Variants in UBP1 observed in about 807,000 individuals in gnomAD.
UBP1 encodes the protein upstream binding protein 1, also known as upstream-binding protein 1.
UBP1 carries 22 observed loss-of-function variants against 76.1 expected under a neutral mutation model. The observed-to-expected ratio is 0.29, with a 90% CI of 0.21 to 0.41. The LOEUF is 0.41. Among genes scored for constraint, UBP1 ranks in the 10% least tolerant of loss-of-function variants. The pLI, the probability that UBP1 is intolerant of heterozygous loss-of-function variation, is 1.00. For missense variants in UBP1, 436 were observed against 668.1 expected, an observed-to-expected ratio of 0.65 and a Z score of 3.83; for synonymous variants, 224 against 237.1, an observed-to-expected ratio of 0.94 and a Z score of 0.51.
At chr3:33,411,543 C>A in intron 5 of UBP1, 38 bp downstream of exon 5, 1 of 1,553,520 alleles carries the variant, frequency 6.4e-7, no homozygotes, top group Non-Finnish European at 8.9e-7. Context: ...ACCTAAATAA[C>A]TAGGTTAGTA....
At chr3:33,419,354 G>A (rs1265424067) in intron 2 of UBP1, among the ~76,000 whole-genome samples, 4 of 152,134 alleles carry the variant, frequency 2.6e-5, no homozygotes, top group African/African-American at 9.7e-5. Context: ...ATTAGGCTGG[G>A]CGCAGTGGCT....
chr3:33,412,916 CAGT>C (rs2044628583), intron 3 of UBP1, 89 bp from the exon 4 acceptor site: 2 of 809,104 alleles, frequency 2.5e-6, no homozygotes, highest in Non-Finnish European at 4.3e-6. Flanking sequence ...TAACCTGTAG[CAGT>C]AGAACACATA....
rs772833111 is a variant in UBP1, at chr3:33,397,154, AT to A, written c.1181-20del. 6.5e-7 allele frequency: 1 copy of A among 1,548,670 alleles called. No individual in the cohort carries two copies. ...TCGGCACCTAGAGAAGAGCAAAAAT[AT>A]TTTTCTCAAATAAATGGAAAAAGAA... On this transcript the variant is annotated intron_variant, in intron 11 of 15. Coordinates refer to ENST00000283629, the MANE Select transcript of UBP1 (RefSeq NM_014517.5).
In UBP1 at chr3:33,402,854, G is replaced by A. The variant is rs182819320; in HGVS notation, c.978C>T (p.Ser326=). ...GTGGGGAGGTGAAAGTGGGCGCTGG[G>A]GAAGGGCTGTTATTCACATAGGCTG... The part of the protein sequence containing the change: ...APTAYVNNSP[S]PAPTFTSPQQ... Residue 326 remains serine (S), a synonymous_variant, in exon 9 of 16, where the codon TCC becomes TCT. Transcript: ENST00000283629. 18 of 1,610,292 alleles carry A rather than the reference G, an allele frequency of 1.1e-5. No homozygotes were observed. The East Asian group carries it at 2.5e-4, about 22-fold the overall frequency.
At chr3:33,432,289 A>G (rs1186474916) in intron 1 of UBP1, among the ~76,000 whole-genome samples, 1 of 152,342 alleles carries the variant, frequency 6.6e-6, no homozygotes, top group South Asian at 2.1e-4. Flanking sequence ...GCACCACTGC[A>G]CTTCAGCCTG....
At chr3:33,420,485 T>A (rs1303205223) in intron 2 of UBP1, among the ~76,000 whole-genome samples, 1 of 142,270 alleles carries the variant, frequency 7.0e-6, no homozygotes, top group African/African-American at 2.6e-5. Flanking sequence ...GCCACCATAC[T>A]GGCTTTTTTT....
intron 10 of UBP1, among the ~76,000 whole-genome samples, chr3:33,400,492 C>T (rs2044183070): frequency 6.6e-6 from 1 of 152,158 alleles, no homozygotes; most frequent in Non-Finnish European, 1.5e-5. Flanking sequence ...AGAGAAAAAT[C>T]ATGCCGCTGC....
At chr3:33,399,582 A>G (rs1426551847) in intron 11 of UBP1, among the ~76,000 whole-genome samples, 1 of 152,240 alleles carries the variant, frequency 6.6e-6, no homozygotes, top group Non-Finnish European at 1.5e-5. Flanking sequence ...TTGCATTTAT[A>G]TAACATTCTC....
chr3:33,412,048 G>A (rs1261915385), intron 4 of UBP1, among the ~76,000 whole-genome samples: 4 of 151,968 alleles, frequency 2.6e-5, no homozygotes, highest in African/African-American at 2.4e-5. Context: ...TTAGCCAGAC[G>A]CAGTGGCGCG....
Position 33,413,448 on chromosome 3 carries a change from G to A in UBP1, c.343-621C>T, listed in dbSNP as rs549496544. On this transcript the variant is annotated intron_variant, in intron 3 of 15. Transcript: ENST00000283629. Reference sequence around the variant, plus strand: ...TGTAGTACCAGCTACTTGGGAGGCTGAGGCAGAAGAATGGTGTGAACCCGG... The same window carrying A: ...TGTAGTACCAGCTACTTGGGAGGCTAAGGCAGAAGAATGGTGTGAACCCGG... Among the ~76,000 whole-genome samples, 98 of 151,124 alleles carry A rather than the reference G, an allele frequency of 6.5e-4. 1 individual carries two copies. Among genetic ancestry groups the A allele is most frequent in the African/African-American group, 2.3e-3 (93 of 41,142 alleles).
chr3:33,403,510 ATCTG>A (rs869027625), intron 8 of UBP1: 3 of 21,174 alleles, frequency 1.4e-4, no homozygotes, highest in Non-Finnish European at 6.7e-4. Context: ...CTATCTATCT[ATCTG>A]TCTGTCTGTC....
rs372280867 is a variant in UBP1 at position 33,438,149 on chromosome 3, G to A, written c.113+1587C>T. Among the ~76,000 whole-genome samples, 6 of 152,268 alleles carry A rather than the reference G, an allele frequency of 3.9e-5. No homozygotes were observed. The South Asian group carries it at 6.2e-4, about 16-fold the overall frequency. On this transcript the variant is annotated intron_variant, in intron 1 of 15. Coordinates refer to ENST00000283629, the MANE Select transcript of UBP1 (RefSeq NM_014517.5). ...ATCAAGATTGTACTTCCTTTTCATGGAAATAAACCATACACAGAAGTTATT... is the reference window on the plus strand; with the variant it reads ...ATCAAGATTGTACTTCCTTTTCATGAAAATAAACCATACACAGAAGTTATT...
chr3:33,409,194 A>C, intron 7 of UBP1, 42 bp downstream of exon 7: 1 of 1,585,690 alleles, frequency 6.3e-7, no homozygotes, highest in South Asian at 1.1e-5. Context: ...CTAATATGCA[A>C]CCTTTGCTTC....
intron 1 of UBP1, among the ~76,000 whole-genome samples, chr3:33,427,017 G>C (rs1353245761): frequency 1.3e-5 from 2 of 152,178 alleles, no homozygotes; most frequent in South Asian, 2.1e-4. Context: ...ACCCAGGCTG[G>C]AGTGCAGTGG....
rs772271929 is a variant in UBP1 at position 33,393,473 on chromosome 3, A to G, written c.1391-19T>C. The stretch of plus-strand genomic sequence containing the variant: ...TGATAAACTGAAATTAAAAAAAAAA[A>G]AAGAAAAGCATTTTAACAGTAATCT... On this transcript the variant is annotated intron_variant, in intron 13 of 15. Transcript: ENST00000283629. 5.6e-6 allele frequency: 9 copies of G among 1,594,494 alleles called. No individual in the cohort carries two copies. Among genetic ancestry groups the G allele is most frequent in the South Asian group, 1.2e-5 (1 of 86,522 alleles).
intron 3 of UBP1, among the ~76,000 whole-genome samples, 198 bp downstream of exon 3, chr3:33,416,560 G>C (rs550672802): frequency 2.2e-4 from 33 of 152,224 alleles, no homozygotes; most frequent in Admixed American, 2.0e-4. Flanking sequence ...ATTGCTCCTT[G>C]ATTTCCAAGG....
At position 33,439,974 on chromosome 3, in the gene UBP1, C is replaced by T; in HGVS notation, c.-126G>A. 1 of 990,574 alleles carries T rather than the reference C, an allele frequency of 1.0e-6. No homozygotes were observed. The highest frequency in any genetic ancestry group is 3.1e-5 in the East Asian group (1 of 32,438). 61.4% of individuals were successfully genotyped at this position (990,574 alleles called of 1,614,324 possible). A position where few individuals can be genotyped will look rare whatever the true frequency, so the allele number is the denominator to read the frequency against. Reference sequence around the variant, plus strand: ...CTCCGGAGGGGCGGCGAGTGGTCACCAGCGGCGGCCGGGACGAGAGCTGCG... The same window carrying T: ...CTCCGGAGGGGCGGCGAGTGGTCACTAGCGGCGGCCGGGACGAGAGCTGCG... On this transcript the variant is annotated 5_prime_UTR_variant, in exon 1 of 16. The change creates a premature stop within an existing upstream ORF in the 5' untranslated region. Transcript: ENST00000283629.
chr3:33,398,410 G>C lies in UBP1; in HGVS notation c.1181-1275C>G, dbSNP rs1308777295. ...AGGCTCTCTTTCATCTCTCTACTAG[G>C]GCTTACTACATGCACCTCACAGTTG... On this transcript the variant is annotated intron_variant, in intron 11 of 15. Transcript: ENST00000283629. 3 of 152,266 alleles carry C rather than the reference G, an allele frequency of 2.0e-5. No individual in the cohort carries two copies. The East Asian group carries it at 5.8e-4, about 29-fold the overall frequency. 9.4% of individuals were successfully genotyped at this position (152,266 alleles called of 1,614,324 possible). A position where few individuals can be genotyped will look rare whatever the true frequency, so the allele number is the denominator to read the frequency against.
At chr3:33,437,492 T>C (rs2045221526) in intron 1 of UBP1, among the ~76,000 whole-genome samples, 1 of 152,156 alleles carries the variant, frequency 6.6e-6, no homozygotes, top group Admixed American at 6.5e-5. Flanking sequence ...AGGAAACCAT[T>C]CCCTAAGAGA....
Sources: allele counts gnomAD v4.1 joint callset (sites outside exome capture counted in the v4.1 genomes callset), GRCh38; gene constraint gnomAD v4.1.1; transcripts MANE v1.5; gene names NCBI Gene and HGNC (gene_info 2026-07-23, HGNC 2026-07-21).